Variants in POU6F2 observed in about 807,000 individuals in gnomAD.
POU6F2 encodes POU class 6 homeobox 2, also known as POU domain, class 6, transcription factor 2.
Under a neutral mutation model 71.3 loss-of-function variants are expected in POU6F2, and 31 were observed. The observed-to-expected ratio is 0.43, with a 90% CI of 0.33 to 0.59. The LOEUF is 0.59. POU6F2 is among the 20% of genes least tolerant of loss of function. The probability of loss-of-function intolerance (pLI) is 0.04; values close to 1 mark genes in which losing one functional copy is unlikely to be tolerated. For synonymous variants in POU6F2, 347 were observed against 355.7 expected, an observed-to-expected ratio of 0.98 and a Z score of 0.27; for missense variants, 783 against 856.8, an observed-to-expected ratio of 0.91 and a Z score of 1.07.
At chr7:39,028,070 T>G (rs1390191900) in intron 1 of POU6F2, among the ~76,000 whole-genome samples, 3 of 152,174 alleles carry the variant, frequency 2.0e-5, no homozygotes, top group Non-Finnish European at 4.4e-5. Context: ...AGTTCTCTAA[T>G]GGGATTTCCC....
intron 4 of POU6F2, among the ~76,000 whole-genome samples, chr7:39,255,551 C>T (rs1377526991): frequency 6.6e-6 from 1 of 152,114 alleles, no homozygotes. Flanking sequence ...TGACTGCAGT[C>T]TTAATATTTC....
chr7:39,280,551 T>G (rs887763642), intron 4 of POU6F2, among the ~76,000 whole-genome samples: 1 of 152,252 alleles, frequency 6.6e-6, no homozygotes, highest in African/African-American at 2.4e-5. Context: ...CAATTACAGC[T>G]GCATGTTGGT....
chr7:39,442,769 A>G (rs921542100), intron 7 of POU6F2, among the ~76,000 whole-genome samples: 2 of 152,180 alleles, frequency 1.3e-5, no homozygotes, highest in African/African-American at 4.8e-5. Context: ...AATCTGCTAA[A>G]AACCTTTTCT....
intron 1 of POU6F2, among the ~76,000 whole-genome samples, chr7:39,070,508 T>G (rs1471505411): frequency 2.0e-5 from 3 of 151,930 alleles, no homozygotes; most frequent in African/African-American, 7.3e-5. Context: ...TGGAATTAAA[T>G]TCCACGTCCT....
intron 2 of POU6F2, among the ~76,000 whole-genome samples, chr7:39,135,337 C>T (rs938803933): frequency 6.6e-6 from 1 of 152,204 alleles, no homozygotes; most frequent in Non-Finnish European, 1.5e-5. Context: ...AAAATCTCAG[C>T]CATTGTGGCA....
intron 4 of POU6F2, among the ~76,000 whole-genome samples, chr7:39,321,180 A>G (rs941874256): frequency 6.6e-6 from 1 of 152,248 alleles, no homozygotes; most frequent in African/African-American, 2.4e-5. Context: ...TTCAGACCAC[A>G]GGTTACTGAA....
chr7:39,379,122 G>A (rs867377967), intron 5 of POU6F2, among the ~76,000 whole-genome samples: 1 of 152,258 alleles, frequency 6.6e-6, no homozygotes, highest in East Asian at 1.9e-4. Flanking sequence ...CTCAGGAATC[G>A]GGTAGGAGGG....
At chr7:39,257,743 C>A (rs11760662) in intron 4 of POU6F2, among the ~76,000 whole-genome samples, 104,162 of 151,922 alleles carry the variant, frequency 0.69, 36,049 homozygotes, top group East Asian at 0.97. Context: ...TTTGAATCAA[C>A]ATCACATACA....
chr7:39,207,382 T>A lies in POU6F2; in HGVS notation c.370-10T>A. 1 of 1,612,924 alleles carries A rather than the reference T, an allele frequency of 6.2e-7. No homozygotes were observed. The highest frequency in any genetic ancestry group is 8.5e-7 in the Non-Finnish European group (1 of 1,179,098). ...AGGAAAGTGAGCTAGCTGTATCTGT[T>A]TCCTTGCAGCCACTTCTGACGGCAC... On this transcript the variant is annotated splice_polypyrimidine_tract_variant and intron_variant, in intron 3 of 9. Transcript: ENST00000518318.
intron 1 of POU6F2, among the ~76,000 whole-genome samples, chr7:39,016,100 ATATATCTATATTATATAT>A (rs1466345918): frequency 9.3e-6 from 1 of 107,626 alleles, no homozygotes; most frequent in East Asian, 2.4e-4. Flanking sequence ...ATTATACATT[ATATATCTATATTATATAT>A]TATATCTATA....
At chr7:39,151,006 A>G (rs17171545) in intron 2 of POU6F2, among the ~76,000 whole-genome samples, 3,041 of 152,092 alleles carry the variant, frequency 0.02, 87 homozygotes, top group African/African-American at 0.068. Flanking sequence ...TGATAATGCA[A>G]TTTATTCTTG....
chr7:39,458,777 C>G (rs1414986542), intron 8 of POU6F2, among the ~76,000 whole-genome samples: 3 of 152,098 alleles, frequency 2.0e-5, no homozygotes, highest in African/African-American at 7.2e-5. Context: ...ATTCACTACT[C>G]CTAGCACGAA....
chr7:39,007,395 G>T (rs999786476), intron 1 of POU6F2, among the ~76,000 whole-genome samples: 1 of 152,284 alleles, frequency 6.6e-6, no homozygotes, highest in Admixed American at 6.5e-5. Context: ...AAAGTGGGAA[G>T]AAAATTTCAG....
chr7:39,120,459 A>G (rs1220464434), intron 2 of POU6F2, among the ~76,000 whole-genome samples: 1 of 152,202 alleles, frequency 6.6e-6, no homozygotes, highest in Non-Finnish European at 1.5e-5. Flanking sequence ...CACATAATAT[A>G]TTTATTGGGA....
At chr7:39,187,143 T>C (rs1793557866) in intron 2 of POU6F2, among the ~76,000 whole-genome samples, 1 of 152,258 alleles carries the variant, frequency 6.6e-6, no homozygotes, top group Non-Finnish European at 1.5e-5. Context: ...GTAGCATTTT[T>C]ATTTCAATTT....
At chr7:39,238,042 G>T (rs546063157) in intron 4 of POU6F2, among the ~76,000 whole-genome samples, 3 of 152,072 alleles carry the variant, frequency 2.0e-5, no homozygotes, top group Non-Finnish European at 4.4e-5. Flanking sequence ...AGAAAAAAGC[G>T]CACATCCCCT....
intron 5 of POU6F2, among the ~76,000 whole-genome samples, chr7:39,364,316 A>G (rs1388700686): frequency 6.7e-6 from 1 of 149,476 alleles, no homozygotes; most frequent in Non-Finnish European, 1.5e-5. Context: ...GTTTGGTTAC[A>G]TGAGTAAATT....
At chr7:39,272,675 C>T (rs1784362379) in intron 4 of POU6F2, among the ~76,000 whole-genome samples, 1 of 152,112 alleles carries the variant, frequency 6.6e-6, no homozygotes, top group Non-Finnish European at 1.5e-5. Context: ...TAAATTCATA[C>T]CAACTGAGTC....
At chr7:39,003,010 C>T (rs1234728436) in intron 1 of POU6F2, among the ~76,000 whole-genome samples, 3 of 152,226 alleles carry the variant, frequency 2.0e-5, no homozygotes, top group Non-Finnish European at 4.4e-5. Context: ...AAAGCCAACA[C>T]AATTTAGTTA....
Sources: gnomAD v4.1 joint callset for allele counts (sites outside exome capture counted in the v4.1 genomes callset) on GRCh38, gnomAD v4.1.1 for gene constraint, MANE v1.5 for transcripts, NCBI Gene and HGNC (gene_info 2026-07-23, HGNC 2026-07-21) for gene names.